IPO8: variants seen among roughly 807,000 people sequenced by gnomAD.
IPO8 encodes importin 8, also known as importin-8.
Under a neutral mutation model 141.2 loss-of-function variants are expected in IPO8, and 65 were observed. The observed-to-expected ratio is 0.46, with a 90% CI of 0.38 to 0.57. The LOEUF is 0.57. IPO8 is among the 20% of genes least tolerant of loss of function. IPO8 has a pLI of 0.00. For synonymous variants in IPO8, 411 were observed against 420.3 expected (o/e 0.98, Z 0.27); for missense variants, 980 against 1,246.8 (o/e 0.79, Z 3.22).
rs2136163772 is a variant in IPO8 at position 30,674,742 on chromosome 12, G to A, written c.741C>T (p.His247=). The A allele has an allele frequency of 6.2e-7, 1 of 1,611,494 alleles. No individual in the cohort carries two copies. Among genetic ancestry groups the A allele is most frequent in the Non-Finnish European group, 8.5e-7 (1 of 1,177,822 alleles). The change falls in exon 7 of 25, where the codon CAC becomes CAT. Residue 247 remains histidine, a synonymous_variant. Transcript: ENST00000256079. ...IDRTVPPETL[H]IDEDDRPELV... is the part of the protein sequence containing the mutation. ...GTTCTGGTCTATCATCCTCATCAAT[G>A]TGCAGAGTCTCCTAACAGGACAAAA...
intron 2 of IPO8, among the ~76,000 whole-genome samples, chr12:30,690,175 G>A (rs1471106288): frequency 6.6e-6 from 1 of 152,154 alleles, no homozygotes; most frequent in Non-Finnish European, 1.5e-5. Flanking sequence ...TGGGCCCAGA[G>A]GCTAGGCTAC....
intron 20 of IPO8, among the ~76,000 whole-genome samples, chr12:30,646,009 A>G (rs1475619841): frequency 1.3e-5 from 2 of 152,220 alleles, no homozygotes; most frequent in South Asian, 2.1e-4. Flanking sequence ...AACTCATTCA[A>G]TGAGTCCAAC....
At chr12:30,655,327 T>C (rs774979875) in intron 17 of IPO8, among the ~76,000 whole-genome samples, 4 of 152,220 alleles carry the variant, frequency 2.6e-5, no homozygotes, top group Non-Finnish European at 5.9e-5. Context: ...AGATGTACTT[T>C]TTAAAAATAT....
At chr12:30,653,116 T>C (rs373824670) in intron 17 of IPO8, 24 bp from the exon 18 acceptor site, 66 of 1,601,924 alleles carry the variant, frequency 4.1e-5, no homozygotes, top group Non-Finnish European at 5.5e-5. Flanking sequence ...AATCTCTAGT[T>C]AGAATGCTAG....
chr12:30,664,478 G>C (rs975168759), intron 13 of IPO8, among the ~76,000 whole-genome samples: 4 of 152,074 alleles, frequency 2.6e-5, no homozygotes, highest in African/African-American at 9.7e-5. Context: ...GATTCTAAAA[G>C]AATATACACA....
rs1011727627 is a variant in IPO8 at position 30,682,935 on chromosome 12, G to A, written c.324-1118C>T. ...AGGACATAAAAGGAGCAAAGCCACA[G>A]AGAACCGTCCCGTAATAAAGATAAA... is the stretch of plus-strand genomic sequence containing the variant. On this transcript the variant is annotated intron_variant, in intron 3 of 24. Transcript: ENST00000256079. Among the ~76,000 whole-genome samples the A allele has an allele frequency of 7.2e-5, 11 of 152,240 alleles. No individual in the cohort carries two copies. In the East Asian group the frequency reaches 1.3e-3, roughly 19 times the overall value.
chr12:30,644,853 A>C (rs2052622017), intron 20 of IPO8, among the ~76,000 whole-genome samples: 1 of 151,334 alleles, frequency 6.6e-6, no homozygotes, highest in Non-Finnish European at 1.5e-5. Context: ...GGGTTTCACC[A>C]TGTTGGCCAG....
chr12:30,660,208 G>C (rs12369476), intron 16 of IPO8, among the ~76,000 whole-genome samples: 3,848 of 152,324 alleles, frequency 0.025, 70 homozygotes, highest in South Asian at 0.065. Flanking sequence ...AGGTGACAGA[G>C]TGAGACTGTC....
At chr12:30,674,159 C>A in intron 7 of IPO8, 85 bp from the exon 8 acceptor site, 1 of 788,456 alleles carries the variant, frequency 1.3e-6, no homozygotes, top group Non-Finnish European at 2.1e-6. Flanking sequence ...GTCGCTTATT[C>A]AAAGATGGAT....
At chr12:30,632,869 C>A (rs2052451939) in intron 23 of IPO8, among the ~76,000 whole-genome samples, 1 of 152,198 alleles carries the variant, frequency 6.6e-6, no homozygotes, top group Non-Finnish European at 1.5e-5. Context: ...GTCCAGAATT[C>A]AAGGCCACTA....
chr12:30,668,410 C>T (rs1371479095), intron 10 of IPO8, among the ~76,000 whole-genome samples: 3 of 152,202 alleles, frequency 2.0e-5, no homozygotes, highest in Middle Eastern at 3.4e-3. Context: ...ACTTTCAGCA[C>T]GCAGCGCTAG....
At chr12:30,660,816 G>A (rs1696565437) in intron 16 of IPO8, among the ~76,000 whole-genome samples, 1 of 151,828 alleles carries the variant, frequency 6.6e-6, no homozygotes, top group Non-Finnish European at 1.5e-5. Context: ...CAGAAAGCTG[G>A]GCTCATTTCT....
At chr12:30,636,157 C>T (rs2052497740) in intron 22 of IPO8, among the ~76,000 whole-genome samples, 1 of 152,026 alleles carries the variant, frequency 6.6e-6, no homozygotes, top group African/African-American at 2.4e-5. Flanking sequence ...AGTTTATAAT[C>T]TCTGGTATAT....
chr12:30,632,694 T>C (rs1244954345), intron 23 of IPO8, among the ~76,000 whole-genome samples: 3 of 152,146 alleles, frequency 2.0e-5, no homozygotes, highest in Non-Finnish European at 2.9e-5. Flanking sequence ...ATTAATAAAG[T>C]GAACCTCTAA....
At chr12:30,676,998 A>G in intron 5 of IPO8, 1 of 1,529,210 alleles carries the variant, frequency 6.5e-7, no homozygotes, top group Non-Finnish European at 8.8e-7. Flanking sequence ...TCTACACTGT[A>G]GCATAATAAC....
intron 2 of IPO8, among the ~76,000 whole-genome samples, chr12:30,689,124 T>A (rs2053268601): frequency 6.6e-6 from 1 of 151,996 alleles, no homozygotes; most frequent in Non-Finnish European, 1.5e-5. Context: ...ATAGCATGTG[T>A]AATATAAAAA....
chr12:30,676,670 T>C (rs1385276198), intron 5 of IPO8, 83 bp from the exon 6 acceptor site: 1 of 951,420 alleles, frequency 1.1e-6, no homozygotes, highest in African/African-American at 1.6e-5. Flanking sequence ...AAGGCTAAAA[T>C]ATATGAAAGG....
intron 24 of IPO8, 35 bp downstream of exon 24, chr12:30,631,860 A>T: frequency 7.1e-7 from 1 of 1,418,376 alleles, no homozygotes; most frequent in Non-Finnish European, 9.9e-7. Flanking sequence ...GCACTCTGAC[A>T]CATGCACTCC....
At chr12:30,674,134 A>G (rs1284421197) in intron 7 of IPO8, 60 bp from the exon 8 acceptor site, 2 of 1,040,020 alleles carry the variant, frequency 1.9e-6, no homozygotes, top group African/African-American at 1.6e-5. Context: ...CATGCTTGCT[A>G]ATAATTTAAA....
Sources: gnomAD v4.1 joint callset for allele counts (sites outside exome capture counted in the v4.1 genomes callset) on GRCh38, gnomAD v4.1.1 for gene constraint, MANE v1.5 for transcripts, NCBI Gene and HGNC (gene_info 2026-07-23, HGNC 2026-07-21) for gene names.